FHIP2B: variants seen among roughly 807,000 people sequenced by gnomAD.
FHIP2B encodes FHF complex subunit HOOK-interacting protein 2B.
In FHIP2B, 72 loss-of-function variants were observed where a neutral mutation model predicts 84.0. That is an observed-to-expected ratio of 0.86 (90% CI 0.71 to 1.04). The LOEUF is 1.04. FHIP2B is among the 50% of genes least tolerant of loss of function. FHIP2B has a pLI of 0.00. For synonymous variants in FHIP2B, 497 were observed against 418.7 expected (o/e 1.19, Z -2.28); for missense variants, 972 against 968.9 (o/e 1.00, Z -0.04).
rs1427534037 is a variant in FHIP2B at position 22,102,280 on chromosome 8, C to G, written c.1957C>G (p.Pro653Ala). Residue 653 changes from proline to alanine, a missense_variant, in exon 15 of 17, where the codon CCC becomes GCC. Physicochemically the swap from Pro to Ala is conservative, Grantham distance 27. Coordinates refer to ENST00000289921, the MANE Select transcript of FHIP2B (RefSeq NM_022749.7). ...GCTGGATCCGTACATCAGCCTGGCC[C>G]CCGGCTGCAGGAGCCTATTCTCCGT... ...YLLDPYISLA[P>A]GCRSLFSVLV... 1.2e-6 allele frequency: 2 copies of G among 1,613,122 alleles called. No homozygotes were observed. The highest frequency in any genetic ancestry group is 1.7e-6 in the Non-Finnish European group (2 of 1,179,872).
rs539593380 is a variant in FHIP2B at position 22,100,440 on chromosome 8, C to G, written c.1342-154C>G. 1.9e-5 allele frequency: 14 copies of G among 739,364 alleles called. No homozygotes were observed. The African/African-American group carries it at 2.4e-4, about 13-fold the overall frequency. The allele number at this position is 739,364 out of a possible 1,614,324, so 45.8% of individuals were successfully genotyped here. A position where few individuals can be genotyped will look rare whatever the true frequency, so the allele number is the denominator to read the frequency against. On this transcript the variant is annotated intron_variant, in intron 10 of 16. Coordinates refer to ENST00000289921, the MANE Select transcript of FHIP2B (RefSeq NM_022749.7). ...GACTTCTGGATTCCTAGGCCCACACCCCCCAACTACCCCCAAAACCTGCCA... is the reference window on the plus strand; with the variant it reads ...GACTTCTGGATTCCTAGGCCCACACGCCCCAACTACCCCCAAAACCTGCCA...
At position 22,094,654 on chromosome 8, in the gene FHIP2B, CAG is replaced by C. The variant is rs1825670652; in HGVS notation, c.124+140_124+141del. ...AGAATTGGAGCCGAGTTCACGGAGA[CAG>C]AGAACCAGACAGACAGAAGACCCAG... On this transcript the variant is annotated intron_variant, in intron 2 of 16. Coordinates refer to ENST00000289921, the MANE Select transcript of FHIP2B (RefSeq NM_022749.7). 3.3e-6 allele frequency: 5 copies of C among 1,511,888 alleles called. No homozygotes were observed. In the East Asian group the frequency reaches 1.3e-4, roughly 39 times the overall value. 93.7% of individuals were successfully genotyped at this position (1,511,888 alleles called of 1,614,324 possible).
rs925760199 is a variant in FHIP2B at position 22,097,621 on chromosome 8, G to A, written c.402+1G>A. 5 of 1,605,740 alleles carry A rather than the reference G, an allele frequency of 3.1e-6. No individual in the cohort carries two copies. The African/African-American group carries it at 4.0e-5, about 13-fold the overall frequency. On this transcript the variant is annotated splice_donor_variant, in intron 4 of 16. Transcript: ENST00000289921. LOFTEE classifies it high-confidence loss of function. ...CCTCAGCGTCCACAGGCCTGTGCAG[G>A]TGAGGGGCCCGGAAGCCAAGGGGTG...
intron 1 of FHIP2B, among the ~76,000 whole-genome samples, chr8:22,090,698 C>A (rs879525061): frequency 6.6e-6 from 1 of 152,158 alleles, no homozygotes; most frequent in African/African-American, 2.4e-5. Flanking sequence ...GATCTCCGCT[C>A]ATTGCAGCCT....
chr8:22,095,669 T>A (rs2131697684), intron 2 of FHIP2B: 1 of 152,318 alleles, frequency 6.6e-6, no homozygotes, highest in South Asian at 2.1e-4. Flanking sequence ...GCCGCCCTAC[T>A]CAAGCTCCTG....
At position 22,100,468 on chromosome 8, in the gene FHIP2B, T is replaced by G. The variant is rs1056141438; in HGVS notation, c.1342-126T>G. 4 of 1,108,918 alleles carry G rather than the reference T, an allele frequency of 3.6e-6. No individual in the cohort carries two copies. In the Admixed American group the frequency reaches 1.5e-4, roughly 43 times the overall value. The allele number at this position is 1,108,918 out of a possible 1,614,324, so 68.7% of individuals were successfully genotyped here. ...CCAACTACCCCCAAAACCTGCCACC[T>G]TAGCATCCAGCCAAGGGAGGTGACT... is the stretch of plus-strand genomic sequence containing the variant. On this transcript the variant is annotated intron_variant, in intron 10 of 16. Transcript: ENST00000289921.
intron 14 of FHIP2B, 96 bp from the exon 15 acceptor site, chr8:22,102,079 C>A (rs1826150923): frequency 1.9e-6 from 3 of 1,600,702 alleles, no homozygotes; most frequent in Non-Finnish European, 1.7e-6. Context: ...CTCCCACCCC[C>A]ACACACGTTC....
intron 16 of FHIP2B, 69 bp downstream of exon 16, chr8:22,102,697 G>T: frequency 6.3e-7 from 1 of 1,588,462 alleles, no homozygotes. Flanking sequence ...AGGAGAGGTG[G>T]CTGGCCACAG....
chr8:22,097,610 G>A lies in FHIP2B; in HGVS notation c.392G>A (p.Arg131Lys), dbSNP rs1825846847. 1 of 1,606,240 alleles carries A rather than the reference G, an allele frequency of 6.2e-7. No individual in the cohort carries two copies. Among genetic ancestry groups the A allele is most frequent in the African/African-American group, 1.3e-5 (1 of 74,748 alleles). Residue 131 changes from arginine (R) to lysine (K), a missense_variant, in exon 4 of 17, where the codon AGG (arginine) becomes AAG (lysine). Physicochemically the swap from Arg to Lys is conservative, Grantham distance 26 (BLOSUM62 2). Transcript: ENST00000289921. ...CTGCTGCATTACCTCAGCGTCCACAGGCCTGTGCAGGTGAGGGGCCCGGAA... is the reference window on the plus strand; with the variant it reads ...CTGCTGCATTACCTCAGCGTCCACAAGCCTGTGCAGGTGAGGGGCCCGGAA... ...HPLLHYLSVH[R>K]PVQKLLRLGG...
At position 22,098,536 on chromosome 8, in the gene FHIP2B, C is replaced by G; in HGVS notation, c.882C>G (p.Val294=). The G allele has an allele frequency of 6.2e-7, 1 of 1,612,884 alleles. No individual in the cohort carries two copies. Among genetic ancestry groups the G allele is most frequent in the Non-Finnish European group, 8.5e-7 (1 of 1,179,578 alleles). ...VQSSACCPAI[V]RHLCQLYRSM... is the part of the protein sequence containing the mutation. ...GCAGCGCCTGCTGCCCTGCGATCGT[C>G]CGGCACCTTTGCCAGTTGTACCGGT... is the stretch of plus-strand genomic sequence containing the variant. Residue 294 remains valine (V), a synonymous_variant, in exon 7 of 17, where the codon GTC becomes GTG. Coordinates refer to ENST00000289921, the MANE Select transcript of FHIP2B (RefSeq NM_022749.7).
At position 22,094,462 on chromosome 8, in the gene FHIP2B, T is replaced by A; in HGVS notation, c.68T>A (p.Leu23Gln). Reference sequence around the variant, plus strand: ...CAGCGCGAGCCCAGCATTGACCTGCTGCAGGCCTTCGTGGAGCACTGGAAG... The same window carrying A: ...CAGCGCGAGCCCAGCATTGACCTGCAGCAGGCCTTCGTGGAGCACTGGAAG... ...VGAREPSIDLLQAFVEHWKGI... is the reference protein window; with the variant it reads ...VGAREPSIDLQQAFVEHWKGI... Residue 23 changes from leucine (L) to glutamine (Q), a missense_variant, in exon 2 of 17, where the codon CTG (leucine) becomes CAG (glutamine). By Grantham distance (113) the Leu-to-Gln change is moderately radical. Transcript: ENST00000289921. The A allele has an allele frequency of 6.2e-7, 1 of 1,611,526 alleles. No individual in the cohort carries two copies. The highest frequency in any genetic ancestry group is 1.1e-5 in the South Asian group (1 of 91,006).
At chr8:22,098,384 T>C in intron 6 of FHIP2B, 39 bp from the exon 7 acceptor site, 3 of 1,549,276 alleles carry the variant, frequency 1.9e-6, no homozygotes, top group South Asian at 1.2e-5. Context: ...ATTTGGGGGC[T>C]CACATGCATG....
intron 12 of FHIP2B, 105 bp from the exon 13 acceptor site, chr8:22,101,335 T>TTTC (rs2131723349): frequency 9.9e-7 from 1 of 1,008,186 alleles, no homozygotes; most frequent in Non-Finnish European, 1.5e-6. Context: ...AGTTTTACTC[T>TTTC]TTGGCCACAG....
Position 22,103,247 on chromosome 8 carries a change from T to C in FHIP2B, c.*316T>C, listed in dbSNP as rs1201596256. 1.3e-5 allele frequency: 4 copies of C among 305,740 alleles called. No homozygotes were observed. The highest frequency in any genetic ancestry group is 2.5e-5 in the Non-Finnish European group (4 of 162,912). 18.9% of individuals were successfully genotyped at this position (305,740 alleles called of 1,614,324 possible). ...GCCTGGCCCCTTCTGTACTGGCCAT[T>C]TGTGGCCAGGGCCAAGCCTGTGACT... On this transcript the variant is annotated 3_prime_UTR_variant, in exon 17 of 17. Transcript: ENST00000289921.
chr8:22,093,517 A>G (rs1229788103), intron 1 of FHIP2B, among the ~76,000 whole-genome samples: 2 of 152,106 alleles, frequency 1.3e-5, no homozygotes, highest in Non-Finnish European at 1.5e-5. Flanking sequence ...CGAGAACAGC[A>G]CTGGCTGAGG....
At chr8:22,101,040 G>T in intron 12 of FHIP2B, 68 bp downstream of exon 12, 1 of 1,523,292 alleles carries the variant, frequency 6.6e-7, no homozygotes, top group Non-Finnish European at 8.8e-7. Flanking sequence ...TTTTGAGATA[G>T]AGTCTCGCTC....
Position 22,097,734 on chromosome 8 carries a change from T to G in FHIP2B, c.420T>G (p.Gly140=). 1 of 1,613,200 alleles carries G rather than the reference T, an allele frequency of 6.2e-7. No homozygotes were observed. The change falls in exon 5 of 17, where the codon GGT becomes GGG. Residue 140 remains glycine, a synonymous_variant. Transcript: ENST00000289921. The part of the protein sequence containing the change: ...HRPVQKLLRL[G]GTASGSVTEK... ...TCTTCCAGAAACTCCTCCGACTTGG[T>G]GGGACTGCTTCCGGATCCGTTACAG...
At position 22,104,621 on chromosome 8, in the gene FHIP2B, G is replaced by C. The variant is rs1464418006; in HGVS notation, c.*1690G>C. On this transcript the variant is annotated 3_prime_UTR_variant, in exon 17 of 17. Transcript: ENST00000289921. ...CTGCTGGGCTGACCTGCAGCGGAGA[G>C]TCTGCCCACCCCGGAGACACCATGA... The C allele has an allele frequency of 6.6e-6, 1 of 152,198 alleles. No individual in the cohort carries two copies. Among genetic ancestry groups the C allele is most frequent in the African/African-American group, 2.4e-5 (1 of 41,458 alleles). 9.4% of individuals were successfully genotyped at this position (152,198 alleles called of 1,614,324 possible). A position where few individuals can be genotyped will look rare whatever the true frequency, so the allele number is the denominator to read the frequency against.
At chr8:22,099,388 CTG>C (rs764792621) in intron 9 of FHIP2B, 28 bp downstream of exon 9, 1 of 1,609,342 alleles carries the variant, frequency 6.2e-7, no homozygotes, top group African/African-American at 1.3e-5. Context: ...TCAGGCATGA[CTG>C]TGGTCTACAG....
Sources: gnomAD v4.1 joint callset for allele counts (sites outside exome capture counted in the v4.1 genomes callset) on GRCh38, gnomAD v4.1.1 for gene constraint, MANE v1.5 for transcripts, NCBI Gene and HGNC (gene_info 2026-07-23, HGNC 2026-07-21) for gene names.